NSMCE2: variants seen among roughly 807,000 people sequenced by gnomAD.
NSMCE2 encodes the protein NSE2 SUMO ligase component of SMC5/6 complex, also known as E3 SUMO-protein ligase NSE2.
A neutral mutation model predicts 23.8 loss-of-function variants in NSMCE2; 24 were observed. The observed-to-expected ratio is 1.01, with a 90% CI of 0.73 to 1.42. The LOEUF is 1.42. Ranked by LOEUF, NSMCE2 falls within the 40% of genes most tolerant of loss-of-function variation. The pLI is 0.00. For missense variants in NSMCE2, 284 were observed against 296.5 expected (o/e 0.96, Z 0.31); for synonymous variants, 92 against 94.1 (o/e 0.98, Z 0.13).
At chr8:125,281,346 A>G (rs1195377502) in intron 5 of NSMCE2, among the ~76,000 whole-genome samples, 1 of 152,220 alleles carries the variant, frequency 6.6e-6, no homozygotes, top group South Asian at 2.1e-4. Flanking sequence ...TACTTTGTCA[A>G]CTGAGGCAAA....
At chr8:125,093,947 C>T (rs1174059939) in intron 1 of NSMCE2, among the ~76,000 whole-genome samples, 1 of 151,980 alleles carries the variant, frequency 6.6e-6, no homozygotes, top group Non-Finnish European at 1.5e-5. Flanking sequence ...TAGGTGCAAG[C>T]CACTATGTCT....
At chr8:125,195,781 CATG>C (rs1249246246) in intron 5 of NSMCE2, among the ~76,000 whole-genome samples, 1 of 151,130 alleles carries the variant, frequency 6.6e-6, no homozygotes, top group Non-Finnish European at 1.5e-5. Flanking sequence ...TAGTCTTAAT[CATG>C]ATATTTGTGT....
intron 5 of NSMCE2, among the ~76,000 whole-genome samples, chr8:125,228,667 T>A (rs1041374593): frequency 3.9e-5 from 6 of 152,272 alleles, no homozygotes; most frequent in Admixed American, 2.6e-4. Context: ...GAAAAGTGAA[T>A]GTCCCAGAGA....
chr8:125,348,023 C>G (rs1276738248), intron 5 of NSMCE2, among the ~76,000 whole-genome samples: 1 of 152,186 alleles, frequency 6.6e-6, no homozygotes, highest in Non-Finnish European at 1.5e-5. Flanking sequence ...TGTTCTCTCT[C>G]GAGACCTTCC....
chr8:125,222,057 T>C (rs1824887114), intron 5 of NSMCE2, among the ~76,000 whole-genome samples: 1 of 152,174 alleles, frequency 6.6e-6, no homozygotes, highest in Admixed American at 6.5e-5. Context: ...TACTCATTTG[T>C]CAAACTTGTA....
chr8:125,246,576 C>T (rs1825972956), intron 5 of NSMCE2, among the ~76,000 whole-genome samples: 1 of 152,148 alleles, frequency 6.6e-6, no homozygotes, highest in Admixed American at 6.5e-5. Context: ...AGACTCCTCC[C>T]TCCCCCAAAA....
At chr8:125,201,584 C>T (rs573760913) in intron 5 of NSMCE2, among the ~76,000 whole-genome samples, 4 of 152,230 alleles carry the variant, frequency 2.6e-5, no homozygotes, top group Non-Finnish European at 4.4e-5. Flanking sequence ...GAGGGGCACC[C>T]GCCTGTATGA....
intron 5 of NSMCE2, among the ~76,000 whole-genome samples, chr8:125,258,663 G>T (rs1826545975): frequency 6.6e-6 from 1 of 152,112 alleles, no homozygotes; most frequent in Non-Finnish European, 1.5e-5. Context: ...AGATTAGAAG[G>T]GACTCAAGAA....
At chr8:125,147,014 A>G (rs541082431) in intron 3 of NSMCE2, among the ~76,000 whole-genome samples, 1 of 152,292 alleles carries the variant, frequency 6.6e-6, no homozygotes, top group East Asian at 1.9e-4. Flanking sequence ...GCTATTATAT[A>G]TACATATATA....
At chr8:125,259,518 C>G (rs940208605) in intron 5 of NSMCE2, among the ~76,000 whole-genome samples, 2 of 152,234 alleles carry the variant, frequency 1.3e-5, no homozygotes, top group Admixed American at 1.3e-4. Flanking sequence ...TCCTCCCTAC[C>G]CCTGCCCCCA....
intron 5 of NSMCE2, among the ~76,000 whole-genome samples, chr8:125,210,186 A>G (rs1457386380): frequency 6.6e-6 from 1 of 152,220 alleles, no homozygotes; most frequent in Non-Finnish European, 1.5e-5. Flanking sequence ...TACCCACTTC[A>G]AAGGATTGTT....
At chr8:125,226,338 A>C (rs1010415772) in intron 5 of NSMCE2, among the ~76,000 whole-genome samples, 1 of 152,244 alleles carries the variant, frequency 6.6e-6, no homozygotes, top group African/African-American at 2.4e-5. Flanking sequence ...TACAGTTATC[A>C]GATGATAAAT....
At chr8:125,094,780 G>A (rs1268706467) in intron 1 of NSMCE2, among the ~76,000 whole-genome samples, 1 of 152,338 alleles carries the variant, frequency 6.6e-6, no homozygotes, top group East Asian at 1.9e-4. Flanking sequence ...GTAGATGGCT[G>A]CCCTTTTTAT....
chr8:125,261,195 T>C (rs1196264735), intron 5 of NSMCE2, among the ~76,000 whole-genome samples: 1 of 152,204 alleles, frequency 6.6e-6, no homozygotes, highest in Admixed American at 6.5e-5. Context: ...TTAACACTTA[T>C]TGACAATCAC....
At chr8:125,113,209 C>A (rs912046135) in intron 3 of NSMCE2, among the ~76,000 whole-genome samples, 2 of 152,078 alleles carry the variant, frequency 1.3e-5, no homozygotes, top group African/African-American at 4.8e-5. Flanking sequence ...AAGTAAAGAA[C>A]TGTTGTGGTG....
At chr8:125,169,731 AT>A (rs11343986) in intron 4 of NSMCE2, among the ~76,000 whole-genome samples, 55,408 of 150,230 alleles carry the variant, frequency 0.37, 13,652 homozygotes, top group African/African-American at 0.7. Context: ...TGAACATTTG[AT>A]TTTTTTTTTC....
chr8:125,363,637 AAG>A (rs988002884), intron 7 of NSMCE2, among the ~76,000 whole-genome samples: 12 of 125,476 alleles, frequency 9.6e-5, no homozygotes, highest in African/African-American at 1.8e-4. Context: ...AGGAAGGAAG[AAG>A]AGAGGAGGAG....
chr8:125,208,946 A>G (rs1824221174), intron 5 of NSMCE2, among the ~76,000 whole-genome samples: 2 of 152,184 alleles, frequency 1.3e-5, no homozygotes, highest in South Asian at 2.1e-4. Context: ...TTTCCTCTCC[A>G]ATGGTGCCAA....
intron 5 of NSMCE2, among the ~76,000 whole-genome samples, chr8:125,346,670 G>A (rs954788182): frequency 2.0e-5 from 3 of 152,052 alleles, no homozygotes; most frequent in African/African-American, 4.8e-5. Flanking sequence ...TCTTATAAGA[G>A]GTATTAAATG....
Sources: allele counts gnomAD v4.1 joint callset (sites outside exome capture counted in the v4.1 genomes callset), GRCh38; gene constraint gnomAD v4.1.1; transcripts MANE v1.5; gene names NCBI Gene and HGNC (gene_info 2026-07-23, HGNC 2026-07-21).